JHY: variants seen among roughly 807,000 people sequenced by gnomAD.
The protein encoded by JHY is junctional cadherin complex regulator.
Under a neutral mutation model 78.0 loss-of-function variants are expected in JHY, and 69 were observed. That is an observed-to-expected ratio of 0.88 (90% confidence interval 0.73 to 1.08). The LOEUF (loss-of-function observed/expected upper bound fraction) is 1.08, where lower values mean the gene tolerates loss of function less well. JHY is among the 50% of genes least tolerant of loss of function. The pLI is 0.00. For missense variants in JHY, 944 were observed against 927.8 expected, an observed-to-expected ratio of 1.02 and a Z score of -0.23; for synonymous variants, 368 against 342.6, an observed-to-expected ratio of 1.07 and a Z score of -0.82.
intron 5 of JHY, among the ~76,000 whole-genome samples, chr11:122,938,520 C>CA (rs534795803): frequency 2.0e-5 from 3 of 152,090 alleles, no homozygotes; most frequent in Non-Finnish European, 4.4e-5. Context: ...TTCAACAAGG[C>CA]AAAATAGGGT....
rs369261311 is a variant in JHY at position 122,959,298 on chromosome 11, T to C, written c.2190T>C (p.Thr730=). Residue 730 remains threonine (T), a synonymous_variant, in exon 9 of 9, where the codon ACT becomes ACC. Coordinates refer to ENST00000227349, the MANE Select transcript of JHY (RefSeq NM_024806.4). ...TIPKPKPSNL[T]HQASKEQKNP... ...CCAAACCCAAACCATCAAATCTGAC[T>C]CATCAAGCATCAAAGGAACAAAAAA... 9 of 1,614,130 alleles carry C rather than the reference T, an allele frequency of 5.6e-6. No individual in the cohort carries two copies. In the South Asian group the frequency reaches 8.8e-5, roughly 16 times the overall value.
At chr11:122,946,849 C>A in intron 6 of JHY, 57 bp downstream of exon 6, 2 of 1,533,704 alleles carry the variant, frequency 1.3e-6, no homozygotes, top group East Asian at 2.2e-5. Context: ...TACAGATGGA[C>A]CTTGATGTAA....
At chr11:122,899,740 C>T (rs189608981) in intron 2 of JHY, among the ~76,000 whole-genome samples, 1 of 152,332 alleles carries the variant, frequency 6.6e-6, no homozygotes, top group African/African-American at 2.4e-5. Flanking sequence ...CACTTTAAGA[C>T]ACATTCTCTC....
chr11:122,930,302 A>G (rs1273808297), intron 4 of JHY, among the ~76,000 whole-genome samples: 1 of 151,156 alleles, frequency 6.6e-6, no homozygotes, highest in Non-Finnish European at 1.5e-5. Context: ...GCTGGTCTCA[A>G]CTCCTGACCT....
At chr11:122,951,751 A>C (rs1483266622) in intron 6 of JHY, among the ~76,000 whole-genome samples, 1 of 152,224 alleles carries the variant, frequency 6.6e-6, no homozygotes, top group East Asian at 1.9e-4. Context: ...CAAACCTTGC[A>C]TCAGGAGAGT....
Position 122,904,042 on chromosome 11 carries a change from T to A in JHY, c.462T>A (p.Ser154=). Residue 154 remains serine (S), a synonymous_variant, in exon 3 of 9, where the codon TCT becomes TCA. Coordinates refer to ENST00000227349, the MANE Select transcript of JHY (RefSeq NM_024806.4). ...CGTTGCCGGAGTCCACGGACAGCTCTTTAGAAAATCTGCCTTTGGCTCCCC... is the reference window on the plus strand; with the variant it reads ...CGTTGCCGGAGTCCACGGACAGCTCATTAGAAAATCTGCCTTTGGCTCCCC... ...VEALPESTDS[S]LENLPLAPLY... The A allele has an allele frequency of 6.2e-7, 1 of 1,614,172 alleles. No homozygotes were observed. The highest frequency in any genetic ancestry group is 8.5e-7 in the Non-Finnish European group (1 of 1,180,014).
In JHY at chr11:122,963,299, A is replaced by T. The variant is rs936335180; in HGVS notation, c.*3854A>T. Among the ~76,000 whole-genome samples, 54 of 152,286 alleles carry T rather than the reference A, an allele frequency of 3.5e-4. No homozygotes were observed. Among genetic ancestry groups the T allele is most frequent in the African/African-American group, 1.2e-3 (49 of 41,570 alleles). On this transcript the variant is annotated 3_prime_UTR_variant, in exon 9 of 9. Coordinates refer to ENST00000227349, the MANE Select transcript of JHY (RefSeq NM_024806.4). ...GCTTAAGTGATTCAGTTCATGTCAAACAACATTTCACAGGATTCTTACCCC... is the reference window on the plus strand; with the variant it reads ...GCTTAAGTGATTCAGTTCATGTCAATCAACATTTCACAGGATTCTTACCCC...
At chr11:122,905,146 A>G (rs912708591) in intron 3 of JHY, 2 of 1,551,618 alleles carry the variant, frequency 1.3e-6, no homozygotes, top group East Asian at 4.5e-5. Flanking sequence ...TTGGGACAGT[A>G]ATAAATGCCT....
intron 6 of JHY, among the ~76,000 whole-genome samples, chr11:122,954,086 G>A (rs895377872): frequency 6.6e-6 from 1 of 152,196 alleles, no homozygotes; most frequent in Non-Finnish European, 1.5e-5. Context: ...TCTGAAATAT[G>A]AGTTCATTCT....
chr11:122,954,870 A>T (rs1864158667), intron 6 of JHY, among the ~76,000 whole-genome samples: 1 of 152,240 alleles, frequency 6.6e-6, no homozygotes, highest in Non-Finnish European at 1.5e-5. Flanking sequence ...CTTTGTCATT[A>T]ACATATAGAC....
intron 3 of JHY, among the ~76,000 whole-genome samples, chr11:122,910,448 C>T (rs547102249): frequency 1.3e-5 from 2 of 150,856 alleles, no homozygotes; most frequent in Admixed American, 1.3e-4. Context: ...CCAGCCTGGG[C>T]GACAGAGTGA....
intron 2 of JHY, among the ~76,000 whole-genome samples, chr11:122,894,850 C>T (rs1422997939): frequency 6.6e-6 from 1 of 151,996 alleles, no homozygotes; most frequent in Non-Finnish European, 1.5e-5. Context: ...TTAGTGTGTT[C>T]CTATAGACAG....
chr11:122,956,087 C>T (rs1591402336), intron 6 of JHY, among the ~76,000 whole-genome samples: 1 of 151,770 alleles, frequency 6.6e-6, no homozygotes, highest in African/African-American at 2.4e-5. Flanking sequence ...GGGAGGATCA[C>T]TTAAGCTCAG....
intron 6 of JHY, among the ~76,000 whole-genome samples, chr11:122,954,809 A>T (rs536405902): frequency 2.0e-4 from 20 of 97,642 alleles, no homozygotes; most frequent in African/African-American, 9.7e-4. Context: ...AAATAAATAG[A>T]TAAAATTTTT....
Position 122,963,667 on chromosome 11 carries a change from A to G in JHY, c.*4222A>G, listed in dbSNP as rs1864356315. ...TAGGCCCAAGTTGGATCAGTGATCA[A>G]TTCATAGCATTTCTGTTTCAAATAT... On this transcript the variant is annotated 3_prime_UTR_variant, in exon 9 of 9. Transcript: ENST00000227349. Among the ~76,000 whole-genome samples the G allele has an allele frequency of 6.6e-6, 1 of 152,170 alleles. No individual in the cohort carries two copies. The highest frequency in any genetic ancestry group is 2.1e-4 in the South Asian group (1 of 4,832).
At chr11:122,922,014 T>G (rs1591383266) in intron 3 of JHY, among the ~76,000 whole-genome samples, 1 of 152,264 alleles carries the variant, frequency 6.6e-6, no homozygotes, top group East Asian at 1.9e-4. Context: ...AATAGCTCAT[T>G]TATAGTTCTA....
At chr11:122,924,565 A>G (rs1209535132) in intron 3 of JHY, among the ~76,000 whole-genome samples, 1 of 152,146 alleles carries the variant, frequency 6.6e-6, no homozygotes, top group African/African-American at 2.4e-5. Flanking sequence ...TAGTGTTTCT[A>G]TTGGTGTGAT....
chr11:122,946,793 G>C lies in JHY; in HGVS notation c.1929+1G>C. 6.3e-7 allele frequency: 1 copy of C among 1,599,668 alleles called. No individual in the cohort carries two copies. Among genetic ancestry groups the C allele is most frequent in the Non-Finnish European group, 8.5e-7 (1 of 1,175,748 alleles). On this transcript the variant is annotated splice_donor_variant, in intron 6 of 8. Coordinates refer to ENST00000227349, the MANE Select transcript of JHY (RefSeq NM_024806.4). LOFTEE classifies it high-confidence loss of function. The stretch of plus-strand genomic sequence containing the variant: ...GCATAAGAAAAGAAGCAGCAGTAAG[G>C]TAATAAAAGCGCCATTTTTACCAAG...
chr11:122,949,170 G>T (rs1331139866), intron 6 of JHY, among the ~76,000 whole-genome samples: 6 of 152,048 alleles, frequency 3.9e-5, no homozygotes, highest in Non-Finnish European at 8.8e-5. Flanking sequence ...GTGCATGCTG[G>T]GGATGAGAGC....
Sources: gnomAD v4.1 joint callset for allele counts (sites outside exome capture counted in the v4.1 genomes callset) on GRCh38, gnomAD v4.1.1 for gene constraint, MANE v1.5 for transcripts, NCBI Gene and HGNC (gene_info 2026-07-23, HGNC 2026-07-21) for gene names.